Variants in MATCAP2 observed in about 807,000 individuals in gnomAD.
The protein encoded by MATCAP2 is microtubule associated tyrosine carboxypeptidase 2.
At chr7:36,347,704 G>A in the MATCAP2 span, among the ~76,000 whole-genome samples, 1 of 152,070 alleles carries the variant, frequency 6.6e-6, no homozygotes, top group South Asian at 2.1e-4. Flanking sequence ...AAGATCACTG[G>A]GTTTTAATTT....
At chr7:36,342,122 G>T in the MATCAP2 span, among the ~76,000 whole-genome samples, 1 of 151,524 alleles carries the variant, frequency 6.6e-6, no homozygotes, top group African/African-American at 2.4e-5. Context: ...CAGTGTTTGT[G>T]GAAGCACTAA....
At chr7:36,367,314 C>G in the MATCAP2 span, 1 of 1,011,246 alleles carries the variant, frequency 9.9e-7, no homozygotes, top group Non-Finnish European at 1.2e-6. Context: ...GACGAAGGCC[C>G]GCGGGCGGCG....
At chr7:36,366,882 AC>A in the MATCAP2 span, 3 of 1,464,148 alleles carry the variant, frequency 2.0e-6, no homozygotes, top group South Asian at 1.4e-5. Flanking sequence ...TCCGCCCCGC[AC>A]CCCCGCCGCG....
the MATCAP2 span, among the ~76,000 whole-genome samples, chr7:36,386,293 A>G: frequency 3.9e-5 from 6 of 152,368 alleles, no homozygotes; most frequent in Admixed American, 3.3e-4. Flanking sequence ...GATAGTTTAA[A>G]GACAAAAGCA....
chr7:36,388,703 T>A, the MATCAP2 span, among the ~76,000 whole-genome samples: 2 of 152,186 alleles, frequency 1.3e-5, no homozygotes, highest in South Asian at 4.1e-4. Context: ...CCTTAGCTAG[T>A]GTGGAAAACG....
At chr7:36,353,032 T>A in the MATCAP2 span, among the ~76,000 whole-genome samples, 1 of 151,928 alleles carries the variant, frequency 6.6e-6, no homozygotes, top group South Asian at 2.1e-4. Flanking sequence ...CTTAGCACTT[T>A]GGGAGGCCAA....
At chr7:36,387,834 G>T in the MATCAP2 span, among the ~76,000 whole-genome samples, 3 of 151,998 alleles carry the variant, frequency 2.0e-5, no homozygotes, top group African/African-American at 7.2e-5. Flanking sequence ...AAGGCACAAC[G>T]GCTACATAAA....
chr7:36,351,212 ATGGTGAAACCC>A, the MATCAP2 span, among the ~76,000 whole-genome samples: 1 of 146,154 alleles, frequency 6.8e-6, no homozygotes. Context: ...CCTGGCAAAC[ATGGTGAAACCC>A]TGTCTTTACT....
the MATCAP2 span, among the ~76,000 whole-genome samples, chr7:36,341,303 ATATAT>A: frequency 6.9e-6 from 1 of 144,954 alleles, no homozygotes; most frequent in South Asian, 2.7e-4. Context: ...TCCCAATATA[ATATAT>A]AACTCCAAAG....
the MATCAP2 span, chr7:36,336,187 C>G: frequency 1.3e-6 from 2 of 1,536,552 alleles, no homozygotes; most frequent in Non-Finnish European, 1.7e-6. Context: ...TCATGTACTT[C>G]CTAACGTGAC....
the MATCAP2 span, among the ~76,000 whole-genome samples, chr7:36,333,624 G>A: frequency 4.6e-5 from 7 of 152,110 alleles, no homozygotes; most frequent in African/African-American, 1.4e-4. Flanking sequence ...GGGTAGATGG[G>A]TGTTCATTCT....
At chr7:36,370,408 C>T in the MATCAP2 span, among the ~76,000 whole-genome samples, 1 of 152,156 alleles carries the variant, frequency 6.6e-6, no homozygotes, top group Non-Finnish European at 1.5e-5. Flanking sequence ...ATTACTGCTC[C>T]ATTTTTAGGG....
At chr7:36,332,839 A>C in the MATCAP2 span, among the ~76,000 whole-genome samples, 1 of 152,218 alleles carries the variant, frequency 6.6e-6, no homozygotes, top group African/African-American at 2.4e-5. Context: ...AGGCAGGAGA[A>C]TCACCTGAAC....
chr7:36,325,036 A>ACTT, the MATCAP2 span: 1 of 152,232 alleles, frequency 6.6e-6, no homozygotes, highest in African/African-American at 2.4e-5. Flanking sequence ...TTCTGTTTAT[A>ACTT]CTTCTAAGAC....
At chr7:36,335,237 A>C in the MATCAP2 span, 1 of 1,501,028 alleles carries the variant, frequency 6.7e-7, no homozygotes, top group Non-Finnish European at 9.2e-7. Context: ...TAAGGGGAGA[A>C]GCTTTCACAG....
At chr7:36,350,121 A>T in the MATCAP2 span, among the ~76,000 whole-genome samples, 1 of 152,216 alleles carries the variant, frequency 6.6e-6, no homozygotes, top group East Asian at 1.9e-4. Context: ...GAGGTCTACA[A>T]AGATAAAATA....
the MATCAP2 span, chr7:36,357,057 T>C: frequency 3.1e-6 from 5 of 1,614,096 alleles, no homozygotes; most frequent in African/African-American, 4.0e-5. Flanking sequence ...GCAGTCAATA[T>C]ACAAAATTTC....
chr7:36,367,418 C>A, the MATCAP2 span: 10 of 693,238 alleles, frequency 1.4e-5, no homozygotes, highest in Non-Finnish European at 1.6e-5. Context: ...GCTGGGGTCT[C>A]CAGCCAGTGG....
chr7:36,331,315 C>T, the MATCAP2 span, among the ~76,000 whole-genome samples: 2 of 152,238 alleles, frequency 1.3e-5, no homozygotes, highest in African/African-American at 4.8e-5. Flanking sequence ...ACATCCTCCC[C>T]GTTATTAAAA....
Sources: gnomAD v4.1 joint callset for allele counts (sites outside exome capture counted in the v4.1 genomes callset) on GRCh38, gnomAD v4.1.1 for gene constraint, MANE v1.5 for transcripts, NCBI Gene and HGNC (gene_info 2026-07-23, HGNC 2026-07-21) for gene names.